The following LMF1 variants were observed in gnomAD, a reference collection of about 807,000 sequenced individuals.
The protein encoded by LMF1 is lipase maturation factor 1, also known as transmembrane protein 112.
LMF1 carries 68 observed loss-of-function variants against 60.6 expected under a neutral mutation model. The ratio of observed to expected loss-of-function variants is 1.12; its 90% confidence interval spans 0.92 to 1.37. LMF1 has a LOEUF of 1.37. LMF1 is among the 40% of genes most tolerant of loss of function. The pLI is 0.00. For missense variants in LMF1, 948 were observed against 767.2 expected, an observed-to-expected ratio of 1.24 and a Z score of -2.78; for synonymous variants, 418 against 324.7, an observed-to-expected ratio of 1.29 and a Z score of -3.09.
Position 970,827 on chromosome 16 carries a change from T to C in LMF1, c.154A>G (p.Thr52Ala), listed in dbSNP as rs757614342. 1.9e-6 allele frequency: 3 copies of C among 1,546,836 alleles called. No individual in the cohort carries two copies. The highest frequency in any genetic ancestry group is 2.6e-6 in the Non-Finnish European group (3 of 1,146,510). Reference protein sequence around the residue: ...AHLHTGTFWLTRIVLLKALAF... With the variant: ...AHLHTGTFWLARIVLLKALAF... Reference sequence around the variant, plus strand: ...AGGGCCTTCAGGAGCACGATCCGGGTCAGCCAGAAGGTGCCCGTGTGGAGA... The same window carrying C: ...AGGGCCTTCAGGAGCACGATCCGGGCCAGCCAGAAGGTGCCCGTGTGGAGA... The change falls in exon 1 of 11, where the codon ACC becomes GCC. Residue 52 changes from threonine (T) to alanine (A), a missense_variant. Coordinates refer to ENST00000262301, the MANE Select transcript of LMF1 (RefSeq NM_022773.4).
upstream of LMF1, among the ~76,000 whole-genome samples, chr16:972,357 C>T (rs1011048355): frequency 4.6e-5 from 7 of 152,250 alleles, no homozygotes; most frequent in South Asian, 2.1e-4. Flanking sequence ...GCCCAGCCTC[C>T]GGGAGCGTGG....
chr16:879,561 C>A lies in LMF1; in HGVS notation c.897+9G>T. ...TGGACACGGGGCAGGGCGGGCGGCG[C>A]GGGCTCACCTGGAACAGGATCTGCA... On this transcript the variant is annotated intron_variant, in intron 6 of 10. Transcript: ENST00000262301. 6.2e-7 allele frequency: 1 copy of A among 1,611,674 alleles called. No homozygotes were observed. The highest frequency in any genetic ancestry group is 1.1e-5 in the South Asian group (1 of 90,894).
intron 4 of LMF1, among the ~76,000 whole-genome samples, chr16:902,729 C>T (rs1474923220): frequency 2.9e-5 from 4 of 139,680 alleles, no homozygotes; most frequent in African/African-American, 1.1e-4. Context: ...TCTGCACTGC[C>T]CACAGGACGC....
In LMF1 at chr16:978,117, CCATACACACACCACACCACACACATACAT is replaced by C. The variant is rs1567350808; in HGVS notation, c.-135+2999_-135+3027del. Among the ~76,000 whole-genome samples the C allele has an allele frequency of 4.3e-3, 596 of 137,800 alleles. 5 individuals carry two copies. Among genetic ancestry groups the C allele is most frequent in the African/African-American group, 0.016 (578 of 35,260 alleles). 90.4% of individuals were successfully genotyped at this position (137,800 alleles called of 152,430 possible). On this transcript the variant is annotated intron_variant, in intron 1 of 6. Transcript: ENST00000570014. ...CACACGGACACACACACACCACACA[CCATACACACACCACACCACACACATACAT>C]CATACACACACACACACACCACACA... is the stretch of plus-strand genomic sequence containing the variant.
At chr16:959,532 G>A in intron 1 of LMF1, among the ~76,000 whole-genome samples, 1 of 152,168 alleles carries the variant, frequency 6.6e-6, no homozygotes, top group East Asian at 1.9e-4. Flanking sequence ...AACTATTGGG[G>A]GAAGACCCGA....
chr16:928,263 C>T (rs2071669381), intron 3 of LMF1, among the ~76,000 whole-genome samples: 1 of 152,196 alleles, frequency 6.6e-6, no homozygotes, highest in Non-Finnish European at 1.5e-5. Flanking sequence ...ACCCAGGCCA[C>T]CTGTGTGTTG....
intron 10 of LMF1, among the ~76,000 whole-genome samples, chr16:856,382 G>A (rs1255754896): frequency 3.9e-5 from 6 of 152,202 alleles, no homozygotes; most frequent in Non-Finnish European, 7.3e-5. Flanking sequence ...GAATGCGGCC[G>A]TGAGGGCGCT....
chr16:933,163 C>T (rs6600235), intron 3 of LMF1: 50,434 of 152,166 alleles, frequency 0.33, 9,638 homozygotes, highest in African/African-American at 0.52. Context: ...CGGTGCACCC[C>T]GAGCCAGGTG....
At chr16:855,423 G>C (rs920155843) in intron 10 of LMF1, 12 of 351,908 alleles carry the variant, frequency 3.4e-5, no homozygotes, top group African/African-American at 6.4e-5. Context: ...GCCTGGTTTA[G>C]GCCATACTGG....
intron 1 of LMF1, chr16:981,070 C>T (rs994214825): frequency 3.7e-6 from 1 of 273,440 alleles, no homozygotes; most frequent in Non-Finnish European, 7.4e-6. Context: ...CCCGCGCTCT[C>T]CACGCTCGCA....
chr16:971,731 G>A (rs751151942), upstream of LMF1, among the ~76,000 whole-genome samples: 10 of 152,202 alleles, frequency 6.6e-5, no homozygotes, highest in Admixed American at 2.0e-4. Flanking sequence ...TGTGAAGCGG[G>A]TGCTAGGAAG....
intron 4 of LMF1, among the ~76,000 whole-genome samples, chr16:894,016 CCT>C (rs35920978): frequency 0.12 from 18,418 of 147,754 alleles, 1,457 homozygotes; most frequent in East Asian, 0.3. Context: ...CACCCGTCCC[CCT>C]GTCCACCGGG....
chr16:920,783 A>G (rs920166485), intron 3 of LMF1, among the ~76,000 whole-genome samples: 2 of 152,252 alleles, frequency 1.3e-5, no homozygotes, highest in African/African-American at 4.8e-5. Flanking sequence ...TCAGAGAAAC[A>G]TAACACGTTA....
chr16:857,568 AGTGGTGT>A (rs2069236274), intron 10 of LMF1, among the ~76,000 whole-genome samples: 2 of 91,624 alleles, frequency 2.2e-5, no homozygotes, highest in African/African-American at 1.3e-4. Context: ...GACGGGTGTG[AGTGGTGT>A]CTCGGGACGG....
intron 10 of LMF1, among the ~76,000 whole-genome samples, chr16:858,923 G>A (rs2069315498): frequency 1.0e-5 from 1 of 98,562 alleles, no homozygotes; most frequent in Non-Finnish European, 2.0e-5. Flanking sequence ...GTGCAGTGGT[G>A]TCACGGGACG....
chr16:932,367 G>A (rs934563395), intron 3 of LMF1, among the ~76,000 whole-genome samples: 3 of 152,276 alleles, frequency 2.0e-5, no homozygotes, highest in East Asian at 3.9e-4. Context: ...GCTGCCCCCC[G>A]AGCCTGCCCC....
Position 902,588 on chromosome 16 carries a change from G to T in LMF1, c.663+8343C>A, listed in dbSNP as rs183707444. 6.3e-3 allele frequency: 1,086 copies of T among 172,316 alleles called. 8 individuals carry two copies. The highest frequency in any genetic ancestry group is 9.7e-3 in the Non-Finnish European group (813 of 83,648). The allele number at this position is 172,316 out of a possible 1,614,324, so 10.7% of individuals were successfully genotyped here. A position where few individuals can be genotyped will look rare whatever the true frequency, so the allele number is the denominator to read the frequency against. ...GGCTCAGTGTGGTGACCTCTGCACTGCCTGTGGGGACGCCCGTCTCTGCTG... is the reference window on the plus strand; with the variant it reads ...GGCTCAGTGTGGTGACCTCTGCACTTCCTGTGGGGACGCCCGTCTCTGCTG... On this transcript the variant is annotated intron_variant, in intron 4 of 10. Coordinates refer to ENST00000262301, the MANE Select transcript of LMF1 (RefSeq NM_022773.4).
chr16:907,084 G>A (rs1190644353), intron 4 of LMF1, among the ~76,000 whole-genome samples: 1 of 152,102 alleles, frequency 6.6e-6, no homozygotes, highest in African/African-American at 2.4e-5. Flanking sequence ...TTTTCATTTT[G>A]ACATTTTCTC....
chr16:975,025 C>T (rs974421618), upstream of LMF1, among the ~76,000 whole-genome samples: 3 of 152,098 alleles, frequency 2.0e-5, no homozygotes, highest in Non-Finnish European at 4.4e-5. Flanking sequence ...AACCCCCCCA[C>T]CCCCCACGTG....
Sources: gnomAD v4.1 joint callset for allele counts (sites outside exome capture counted in the v4.1 genomes callset) on GRCh38, gnomAD v4.1.1 for gene constraint, MANE v1.5 for transcripts, NCBI Gene and HGNC (gene_info 2026-07-23, HGNC 2026-07-21) for gene names.